Variants in DARS1 observed in about 807,000 individuals in gnomAD.
The protein encoded by DARS1 is aspartate--tRNA ligase, cytoplasmic.
DARS1 carries 51 observed loss-of-function variants against 68.8 expected under a neutral mutation model. That is an observed-to-expected ratio of 0.74 (90% CI 0.59 to 0.94). The LOEUF is 0.94. Ranked by LOEUF, DARS1 falls within the 40% of genes least tolerant of loss-of-function variation. DARS1 has a pLI of 0.00. For synonymous variants in DARS1, 203 were observed against 190.4 expected (o/e 1.07, Z -0.55); for missense variants, 607 against 597.3 (o/e 1.02, Z -0.17).
chr2:135,960,864 T>C (rs969107769), intron 4 of DARS1, among the ~76,000 whole-genome samples: 1 of 152,204 alleles, frequency 6.6e-6, no homozygotes, highest in Non-Finnish European at 1.5e-5. Context: ...CCCAGACTTT[T>C]ACAGGAGGAA....
intron 8 of DARS1, 71 bp from the exon 9 acceptor site, chr2:135,922,989 A>G (rs1019592768): frequency 3.6e-5 from 47 of 1,312,100 alleles, no homozygotes; most frequent in Middle Eastern, 5.7e-4. Context: ...CCTCTAGTTA[A>G]AAAGTTTATA....
chr2:135,963,871 G>A (rs1682154388), intron 3 of DARS1, among the ~76,000 whole-genome samples: 1 of 151,162 alleles, frequency 6.6e-6, no homozygotes, highest in South Asian at 2.1e-4. Context: ...GTAGAGACGG[G>A]GGCTTCACCA....
chr2:135,955,809 C>A (rs775262287), intron 4 of DARS1, among the ~76,000 whole-genome samples: 38 of 151,144 alleles, frequency 2.5e-4, no homozygotes, highest in Non-Finnish European at 4.9e-4. Flanking sequence ...GCTCACACCA[C>A]CATGCCTGGC....
chr2:135,952,010 G>A (rs1558791788), intron 4 of DARS1, among the ~76,000 whole-genome samples: 1 of 152,188 alleles, frequency 6.6e-6, no homozygotes, highest in Non-Finnish European at 1.5e-5. Flanking sequence ...GGAGGCTGAG[G>A]CGGGTGGATC....
At chr2:135,972,684 G>C (rs1035580035) in intron 3 of DARS1, among the ~76,000 whole-genome samples, 3 of 151,986 alleles carry the variant, frequency 2.0e-5, no homozygotes, top group Non-Finnish European at 2.9e-5. Context: ...CATCTGACGA[G>C]GAATTACTAA....
rs753057041 is a variant in DARS1 at position 135,922,789 on chromosome 2, C to T, written c.806G>A (p.Gly269Glu). Residue 269 changes from glycine (G) to glutamate (E), a missense_variant, in exon 9 of 16, where the codon GGA becomes GAA. Gly to Glu is a moderately conservative substitution (Grantham distance 98). Transcript: ENST00000264161. ...CATAACTGCCAAAATCTTACCTGGT[C>T]CAATAGAGAAAACCTTCTCAAAATC... The part of the protein sequence containing the change: ...CADFEKVFSI[G>E]PVFRAEDSNT... The T allele has an allele frequency of 1.3e-6, 2 of 1,558,484 alleles. No homozygotes were observed. Among genetic ancestry groups the T allele is most frequent in the South Asian group, 2.5e-5 (2 of 80,002 alleles).
intron 8 of DARS1, among the ~76,000 whole-genome samples, chr2:135,923,199 AGTT>A (rs1257173633): frequency 6.6e-6 from 1 of 152,112 alleles, no homozygotes; most frequent in Admixed American, 6.6e-5. Context: ...GCCCCTTTGG[AGTT>A]GTTAAAATTT....
At position 135,956,071 on chromosome 2, in the gene DARS1, G is replaced by A. The variant is rs1166376107; in HGVS notation, c.320+5325C>T. Among the ~76,000 whole-genome samples, 15 of 152,288 alleles carry A rather than the reference G, an allele frequency of 9.8e-5. No homozygotes were observed. In the East Asian group the frequency reaches 2.9e-3, roughly 29 times the overall value. On this transcript the variant is annotated intron_variant, in intron 4 of 15. Transcript: ENST00000264161. Reference sequence around the variant, plus strand: ...TCAGACTTTTATATTTCTCACGCAAGTAGAAATAAGTGTTTGAATCAGCAT... The same window carrying A: ...TCAGACTTTTATATTTCTCACGCAAATAGAAATAAGTGTTTGAATCAGCAT...
Position 135,985,520 on chromosome 2 carries a change from A to T in DARS1, c.-52T>A. ...CCACCCTCCCTCGCAGGCTTCCGTA[A>T]GGCAGGCCAAAGGGGCTTCTCCCTC... On this transcript the variant is annotated 5_prime_UTR_variant, in exon 1 of 16. Transcript: ENST00000264161. The T allele has an allele frequency of 6.2e-7, 1 of 1,613,482 alleles. No individual in the cohort carries two copies. The highest frequency in any genetic ancestry group is 8.5e-7 in the Non-Finnish European group (1 of 1,179,780).
In DARS1 at chr2:135,922,848, G is replaced by A; in HGVS notation, c.747C>T (p.Ser249=). 1.3e-6 allele frequency: 2 copies of A among 1,589,078 alleles called. No homozygotes were observed. Among genetic ancestry groups the A allele is most frequent in the South Asian group, 1.2e-5 (1 of 86,020 alleles). Residue 249 remains serine (S), a synonymous_variant, in exon 9 of 16, where the codon TCC becomes TCT. Coordinates refer to ENST00000264161, the MANE Select transcript of DARS1 (RefSeq NM_001349.4). The part of the protein sequence containing the change: ...YFKNNAYLAQ[S]PQLYKQMCIC... ...TGCACATTTGCTTATATAGCTGTGG[G>A]GACTGAGCCAGGTATGCATTATTTT... is the stretch of plus-strand genomic sequence containing the variant.
At chr2:135,934,018 T>C in intron 5 of DARS1, 28 bp from the exon 6 acceptor site, 1 of 1,602,240 alleles carries the variant, frequency 6.2e-7, no homozygotes, top group Non-Finnish European at 8.5e-7. Flanking sequence ...CCAAAAATAG[T>C]AGAAAGCACA....
chr2:135,961,538 G>A (rs768433056), intron 3 of DARS1, 40 bp from the exon 4 acceptor site: 10 of 980,098 alleles, frequency 1.0e-5, no homozygotes, highest in South Asian at 1.3e-5. Context: ...TTAAGGACAC[G>A]CAACTTCAGG....
At chr2:135,979,133 T>C in intron 3 of DARS1, 141 bp downstream of exon 3, 1 of 603,642 alleles carries the variant, frequency 1.7e-6, no homozygotes, top group Non-Finnish European at 2.9e-6. Context: ...CATGGGTTAA[T>C]ACTTTACAGT....
At chr2:135,910,553 T>C (rs7606267) in intron 15 of DARS1, among the ~76,000 whole-genome samples, 26,116 of 152,130 alleles carry the variant, frequency 0.17, 2,641 homozygotes, top group Middle Eastern at 0.4. Flanking sequence ...AAATGGACAT[T>C]AGTTTTTTCT....
intron 1 of DARS1, chr2:135,985,123 C>G: frequency 2.0e-6 from 1 of 507,352 alleles, no homozygotes; most frequent in East Asian, 3.0e-5. Flanking sequence ...TGTGACGCCG[C>G]GCTCCTACTT....
chr2:135,960,682 T>G (rs1682078996), intron 4 of DARS1, among the ~76,000 whole-genome samples: 1 of 152,084 alleles, frequency 6.6e-6, no homozygotes, highest in South Asian at 2.1e-4. Flanking sequence ...AAAATTCTGA[T>G]GAAATTGAAA....
intron 3 of DARS1, among the ~76,000 whole-genome samples, chr2:135,976,255 A>C (rs1368039250): frequency 6.6e-6 from 1 of 152,216 alleles, no homozygotes; most frequent in East Asian, 1.9e-4. Context: ...GAGCAGAACA[A>C]GTGAATTACA....
rs535105161 is a variant in DARS1 at position 135,914,288 on chromosome 2, A to G, written c.1149+181T>C. ...TAATCAGATCATCTGGGAGAAAGGC[A>G]GGCTGTCTGAATATTTCTCAATTTT... On this transcript the variant is annotated intron_variant, in intron 12 of 15. Transcript: ENST00000264161. Among the ~76,000 whole-genome samples the G allele has an allele frequency of 2.0e-5, 3 of 152,344 alleles. No homozygotes were observed. In the East Asian group the frequency reaches 5.8e-4, roughly 29 times the overall value.
At chr2:135,937,405 G>A (rs1681494241) in intron 5 of DARS1, among the ~76,000 whole-genome samples, 1 of 151,730 alleles carries the variant, frequency 6.6e-6, no homozygotes, top group African/African-American at 2.4e-5. Flanking sequence ...TCAGAGATAA[G>A]TCTTCTTTAA....
Sources: allele counts gnomAD v4.1 joint callset (sites outside exome capture counted in the v4.1 genomes callset), GRCh38; gene constraint gnomAD v4.1.1; transcripts MANE v1.5; gene names NCBI Gene and HGNC (gene_info 2026-07-23, HGNC 2026-07-21).